The following TAS2R1 variants were observed in gnomAD, a reference collection of about 807,000 sequenced individuals.
The protein encoded by TAS2R1 is taste receptor type 2 member 1.
For missense variants in TAS2R1, 370 were observed against 353.4 expected (o/e 1.05, Z -0.38); for synonymous variants, 141 against 134.2 (o/e 1.05, Z -0.35).
At chr5:9,840,857 A>ATTTATTTTTTTTTTTTTTT in the TAS2R1 span, among the ~76,000 whole-genome samples, 1 of 132,088 alleles carries the variant, frequency 7.6e-6, no homozygotes, top group African/African-American at 2.8e-5. Context: ...TTATTTATTT[A>ATTTATTTTTTTTTTTTTTT]TTTTTTTTTT....
chr5:9,894,497 G>A, the TAS2R1 span, among the ~76,000 whole-genome samples: 1 of 152,192 alleles, frequency 6.6e-6, no homozygotes, highest in Non-Finnish European at 1.5e-5. Context: ...GGAGGACATG[G>A]CGAGAGGCCA....
At chr5:9,812,188 G>T in the TAS2R1 span, among the ~76,000 whole-genome samples, 1 of 152,022 alleles carries the variant, frequency 6.6e-6, no homozygotes, top group Non-Finnish European at 1.5e-5. Context: ...TGAGGGCAAA[G>T]ACTATACTAC....
At chr5:9,747,876 G>GA in the TAS2R1 span, among the ~76,000 whole-genome samples, 1 of 151,604 alleles carries the variant, frequency 6.6e-6, no homozygotes. Context: ...GGATGAGGTT[G>GA]AAAATTCAGG....
chr5:9,727,083 G>A, the TAS2R1 span, among the ~76,000 whole-genome samples: 1 of 152,200 alleles, frequency 6.6e-6, no homozygotes, highest in African/African-American at 2.4e-5. Flanking sequence ...AGTCACAGCA[G>A]TTCCTGAGCC....
At chr5:9,672,065 T>C (rs996433425) in intron 1 of TAS2R1, among the ~76,000 whole-genome samples, 4 of 152,102 alleles carry the variant, frequency 2.6e-5, no homozygotes, top group African/African-American at 9.7e-5. Flanking sequence ...CAATAAATGA[T>C]GGTGGGATAA....
chr5:9,764,989 T>C, the TAS2R1 span, among the ~76,000 whole-genome samples: 1 of 152,136 alleles, frequency 6.6e-6, no homozygotes, highest in East Asian at 1.9e-4. Flanking sequence ...CATCAAGTGA[T>C]AAAAAGTAGA....
chr5:9,886,627 C>G, the TAS2R1 span, among the ~76,000 whole-genome samples: 1 of 152,072 alleles, frequency 6.6e-6, no homozygotes, highest in Non-Finnish European at 1.5e-5. Flanking sequence ...AGCCACCGTT[C>G]CCAGTCTATT....
At chr5:9,870,228 C>T in the TAS2R1 span, 3 of 152,246 alleles carry the variant, frequency 2.0e-5, no homozygotes, top group South Asian at 2.1e-4. Context: ...ACACCTCCTA[C>T]GTACAAAGGA....
chr5:9,686,854 T>C (rs984974312), intron 1 of TAS2R1, among the ~76,000 whole-genome samples: 3 of 152,242 alleles, frequency 2.0e-5, no homozygotes, highest in African/African-American at 7.2e-5. Flanking sequence ...TGCAATTTTA[T>C]TTGAAAATAT....
intron 1 of TAS2R1, among the ~76,000 whole-genome samples, chr5:9,683,953 G>T (rs1324383702): frequency 6.6e-6 from 1 of 152,196 alleles, no homozygotes; most frequent in Non-Finnish European, 1.5e-5. Flanking sequence ...AAGAATGAAG[G>T]AAGAGGTAAA....
In TAS2R1 at chr5:9,629,061, G is replaced by A; in HGVS notation, c.*72C>T. 1 of 1,452,086 alleles carries A rather than the reference G, an allele frequency of 6.9e-7. No homozygotes were observed. Among genetic ancestry groups the A allele is most frequent in the Non-Finnish European group, 9.2e-7 (1 of 1,089,088 alleles). The allele number at this position is 1,452,086 out of a possible 1,614,324, so 90.0% of individuals were successfully genotyped here. Reference sequence around the variant, plus strand: ...TATTTATGAACAGGCTGCTTTGTCTGGCTGAGGGAAGTGTGGCAGGCATGG... The same window carrying A: ...TATTTATGAACAGGCTGCTTTGTCTAGCTGAGGGAAGTGTGGCAGGCATGG... On this transcript the variant is annotated 3_prime_UTR_variant, in exon 1 of 1. Transcript: ENST00000382492.
the TAS2R1 span, among the ~76,000 whole-genome samples, chr5:9,851,518 G>GTT: frequency 3.6e-5 from 5 of 139,434 alleles, no homozygotes; most frequent in Admixed American, 7.1e-5. Context: ...GCTGGGATTT[G>GTT]TTTTTTTTTT....
chr5:9,780,200 A>C, the TAS2R1 span, among the ~76,000 whole-genome samples: 936 of 152,080 alleles, frequency 6.2e-3, 10 homozygotes, highest in African/African-American at 0.022. Flanking sequence ...CCTGACCTGC[A>C]GCTCTCTGCC....
chr5:9,706,580 A>G (rs1328346961), intron 1 of TAS2R1, among the ~76,000 whole-genome samples: 2 of 152,242 alleles, frequency 1.3e-5, no homozygotes, highest in African/African-American at 2.4e-5. Context: ...TAGGGAAATC[A>G]TCTTTCTCAT....
the TAS2R1 span, among the ~76,000 whole-genome samples, chr5:9,838,358 A>G: frequency 6.6e-6 from 1 of 152,322 alleles, no homozygotes; most frequent in South Asian, 2.1e-4. Context: ...GATCAAGAGT[A>G]TGTGGGAAAG....
the TAS2R1 span, among the ~76,000 whole-genome samples, chr5:9,774,556 A>C: frequency 1.3e-5 from 2 of 152,090 alleles, no homozygotes; most frequent in African/African-American, 4.8e-5. Flanking sequence ...ATTTGTTTGT[A>C]CTCATTGTTC....
the TAS2R1 span, among the ~76,000 whole-genome samples, chr5:9,745,281 C>A: frequency 7.4e-4 from 112 of 152,056 alleles, no homozygotes; most frequent in African/African-American, 2.6e-3. Flanking sequence ...GAAAGACAAC[C>A]GTTCAGTAAG....
At chr5:9,793,082 T>A in the TAS2R1 span, among the ~76,000 whole-genome samples, 1 of 152,194 alleles carries the variant, frequency 6.6e-6, no homozygotes, top group Admixed American at 6.5e-5. Context: ...ATGAAGGTGA[T>A]CAAGAGACTC....
chr5:9,631,147 G>A (rs776719205), upstream of TAS2R1, among the ~76,000 whole-genome samples: 3 of 152,136 alleles, frequency 2.0e-5, no homozygotes, highest in Non-Finnish European at 4.4e-5. Context: ...CCACTATGAC[G>A]GGACAAAGGT....
Sources: gnomAD v4.1 joint callset for allele counts (sites outside exome capture counted in the v4.1 genomes callset) on GRCh38, gnomAD v4.1.1 for gene constraint, MANE v1.5 for transcripts, NCBI Gene and HGNC (gene_info 2026-07-23, HGNC 2026-07-21) for gene names.